The following FHIT variants were observed in gnomAD, a reference collection of about 807,000 sequenced individuals.
FHIT encodes bis(5'-adenosyl)-triphosphatase.
In FHIT, 19 loss-of-function variants were observed where a neutral mutation model predicts 17.9. The observed-to-expected ratio is 1.06, with a 90% CI of 0.74 to 1.56. The LOEUF is 1.56. Ranked by LOEUF, FHIT falls within the 40% of genes most tolerant of loss-of-function variation. The probability of loss-of-function intolerance (pLI) is 0.00; values close to 1 mark genes in which losing one functional copy is unlikely to be tolerated. For missense variants in FHIT, 248 were observed against 189.2 expected, an observed-to-expected ratio of 1.31 and a Z score of -1.82; for synonymous variants, 81 against 69.7, an observed-to-expected ratio of 1.16 and a Z score of -0.81.
intron 5 of FHIT, among the ~76,000 whole-genome samples, chr3:60,116,192 G>T (rs573631692): frequency 5.9e-5 from 9 of 152,276 alleles, no homozygotes; most frequent in African/African-American, 2.2e-4. Flanking sequence ...GAGAACTTCT[G>T]GAGAAAGAGA....
chr3:59,999,106 C>G (rs1405487167), intron 7 of FHIT, among the ~76,000 whole-genome samples: 1 of 152,048 alleles, frequency 6.6e-6, no homozygotes, highest in East Asian at 1.9e-4. Context: ...ATGTCCCTGA[C>G]TCGGGTTTTC....
At chr3:61,110,299 G>T (rs751948318) in intron 2 of FHIT, among the ~76,000 whole-genome samples, 3 of 151,980 alleles carry the variant, frequency 2.0e-5, no homozygotes, top group Non-Finnish European at 4.4e-5. Flanking sequence ...TTCCCTTGCT[G>T]CTGCCTTTGC....
chr3:59,945,327 G>A (rs1706745763), intron 7 of FHIT, among the ~76,000 whole-genome samples: 1 of 152,086 alleles, frequency 6.6e-6, no homozygotes. Flanking sequence ...GTCTTCTTTT[G>A]AGAAGTATCT....
chr3:59,875,625 G>A (rs1378031008), intron 8 of FHIT, among the ~76,000 whole-genome samples: 1 of 151,864 alleles, frequency 6.6e-6, no homozygotes, highest in Non-Finnish European at 1.5e-5. Context: ...TATAATTTTA[G>A]CAAAGGAAAA....
intron 5 of FHIT, among the ~76,000 whole-genome samples, chr3:60,030,737 A>C (rs1700964870): frequency 6.6e-6 from 1 of 152,160 alleles, no homozygotes; most frequent in South Asian, 2.1e-4. Flanking sequence ...GATGGCTGGG[A>C]TGCATGGACG....
chr3:59,970,625 T>A (rs1465201604), intron 7 of FHIT, among the ~76,000 whole-genome samples: 1 of 152,034 alleles, frequency 6.6e-6, no homozygotes, highest in Non-Finnish European at 1.5e-5. Context: ...TGTTTTAGGG[T>A]GCAATGGAAA....
intron 4 of FHIT, among the ~76,000 whole-genome samples, chr3:60,566,880 T>C (rs1248505333): frequency 3.1e-4 from 45 of 144,816 alleles, no homozygotes; most frequent in Middle Eastern, 3.5e-3. Flanking sequence ...GAGAAGAAAA[T>C]ACCTAGGAAT....
At chr3:61,177,052 C>A (rs910699597) in intron 2 of FHIT, among the ~76,000 whole-genome samples, 10 of 152,072 alleles carry the variant, frequency 6.6e-5, no homozygotes, top group African/African-American at 1.9e-4. Context: ...CGGCGGGCGC[C>A]TGTAGTCCCA....
chr3:60,608,686 A>G (rs1446956567), intron 4 of FHIT, among the ~76,000 whole-genome samples: 1 of 152,208 alleles, frequency 6.6e-6, no homozygotes, highest in African/African-American at 2.4e-5. Flanking sequence ...GCCACAATCT[A>G]GACTTTGTTT....
intron 2 of FHIT, among the ~76,000 whole-genome samples, chr3:61,099,880 G>C (rs1184201744): frequency 6.6e-6 from 1 of 151,658 alleles, no homozygotes; most frequent in South Asian, 2.1e-4. Context: ...TGGATTCCTT[G>C]ATCTTTTTTT....
chr3:60,860,435 T>TGTATACATGACATAC (rs1553751456), intron 3 of FHIT, among the ~76,000 whole-genome samples: 1 of 134,232 alleles, frequency 7.4e-6, no homozygotes, highest in African/African-American at 2.7e-5. Context: ...GATACATATA[T>TGTATACATGACATAC]ATCATGTATA....
chr3:60,521,360 G>T (rs1483119409), intron 5 of FHIT, among the ~76,000 whole-genome samples: 1 of 152,030 alleles, frequency 6.6e-6, no homozygotes, highest in African/African-American at 2.4e-5. Context: ...CCATTCTCCT[G>T]CCTCAACCTC....
At chr3:60,079,297 G>T (rs1427609341) in intron 5 of FHIT, among the ~76,000 whole-genome samples, 1 of 152,124 alleles carries the variant, frequency 6.6e-6, no homozygotes, top group South Asian at 2.1e-4. Context: ...CCTCACACAT[G>T]CTTTTAAATG....
At chr3:61,136,564 G>A (rs945740947) in intron 2 of FHIT, among the ~76,000 whole-genome samples, 1 of 152,186 alleles carries the variant, frequency 6.6e-6, no homozygotes, top group Non-Finnish European at 1.5e-5. Context: ...TACAAGAAAA[G>A]GATTTGAAAT....
At chr3:59,781,149 G>A (rs1174250073) in intron 8 of FHIT, among the ~76,000 whole-genome samples, 1 of 152,156 alleles carries the variant, frequency 6.6e-6, no homozygotes, top group Admixed American at 6.5e-5. Flanking sequence ...TGCATTCCCT[G>A]CACTGTGAGC....
intron 5 of FHIT, among the ~76,000 whole-genome samples, chr3:60,163,754 C>G (rs1435143805): frequency 6.6e-6 from 1 of 152,204 alleles, no homozygotes; most frequent in African/African-American, 2.4e-5. Context: ...GCAGCATTCA[C>G]TAGATGCTGG....
At chr3:60,645,621 TTCTA>T (rs2039837150) in intron 4 of FHIT, among the ~76,000 whole-genome samples, 1 of 152,164 alleles carries the variant, frequency 6.6e-6, no homozygotes, top group Non-Finnish European at 1.5e-5. Flanking sequence ...GATCATGACT[TTCTA>T]TATGAGGCAG....
intron 5 of FHIT, among the ~76,000 whole-genome samples, chr3:60,462,269 A>C (rs545552363): frequency 7.2e-5 from 11 of 152,262 alleles, no homozygotes; most frequent in Non-Finnish European, 1.6e-4. Context: ...CCACACCTTT[A>C]AGAATGAGGT....
intron 4 of FHIT, among the ~76,000 whole-genome samples, chr3:60,672,115 C>T (rs1474166895): frequency 9.2e-5 from 14 of 152,102 alleles, no homozygotes; most frequent in Non-Finnish European, 2.1e-4. Context: ...TATTTGTATT[C>T]CTTTTACTTT....
Sources: gnomAD v4.1 joint callset for allele counts (sites outside exome capture counted in the v4.1 genomes callset) on GRCh38, gnomAD v4.1.1 for gene constraint, MANE v1.5 for transcripts, NCBI Gene and HGNC (gene_info 2026-07-23, HGNC 2026-07-21) for gene names.